The following UNC45A variants were observed in gnomAD, a reference collection of about 807,000 sequenced individuals.
UNC45A encodes the protein protein unc-45 homolog A.
Under a neutral mutation model 103.2 loss-of-function variants are expected in UNC45A, and 78 were observed. That is an observed-to-expected ratio of 0.76 (90% CI 0.63 to 0.91). The LOEUF (loss-of-function observed/expected upper bound fraction) is 0.91, where lower values mean the gene tolerates loss of function less well. Ranked by LOEUF, UNC45A falls within the 40% of genes least tolerant of loss-of-function variation. The probability of loss-of-function intolerance (pLI) is 0.00; values close to 1 mark genes in which losing one functional copy is unlikely to be tolerated. For missense variants in UNC45A, 1,193 were observed against 1,224.8 expected (o/e 0.97, Z 0.39); for synonymous variants, 495 against 504.6 (o/e 0.98, Z 0.25).
At chr15:90,952,555 G>A (rs1488883518) in intron 17 of UNC45A, 1 of 192,652 alleles carries the variant, frequency 5.2e-6, no homozygotes, top group Admixed American at 5.3e-5. Context: ...TGAGTAGCTG[G>A]GACTACAGGC....
intron 9 of UNC45A, among the ~76,000 whole-genome samples, 191 bp downstream of exon 9, chr15:90,945,254 CTTT>C (rs2036504917): frequency 6.6e-6 from 1 of 152,322 alleles, no homozygotes; most frequent in Non-Finnish European, 1.5e-5. Flanking sequence ...CAGGGAGGTT[CTTT>C]CTCAAGTCAA....
rs746323012 is a variant in UNC45A, at chr15:90,944,915, G to T, written c.1051G>T (p.Gly351Trp). ...DQGLKKILEV[G>W]GSLQDPPGEL... ...AGGTCTGAAAAAGATTTTGGAAGTG[G>T]GGGGCTCTCTACAGGACCCTCCTGG... Residue 351 changes from glycine (G) to tryptophan (W), a missense_variant, in exon 9 of 20, where the codon GGG becomes TGG. Coordinates refer to ENST00000418476, the MANE Select transcript of UNC45A (RefSeq NM_018671.5). 6.2e-7 allele frequency: 1 copy of T among 1,612,248 alleles called. No individual in the cohort carries two copies. The highest frequency in any genetic ancestry group is 8.5e-7 in the Non-Finnish European group (1 of 1,179,960).
chr15:90,942,767 G>A, intron 7 of UNC45A, 145 bp from the exon 8 acceptor site: 1 of 1,476,008 alleles, frequency 6.8e-7, no homozygotes, highest in Non-Finnish European at 9.2e-7. Flanking sequence ...CAACCAAGGT[G>A]CCTCAGGACA....
At chr15:90,949,115 A>G (rs2036746980) in intron 13 of UNC45A, among the ~76,000 whole-genome samples, 1 of 151,988 alleles carries the variant, frequency 6.6e-6, no homozygotes, top group African/African-American at 2.4e-5. Context: ...TGACCTCGTG[A>G]TCCGCCTGCC....
At position 90,953,751 on chromosome 15, in the gene UNC45A, G is replaced by A. The variant is rs199742242; in HGVS notation, c.*35G>A. On this transcript the variant is annotated 3_prime_UTR_variant, in exon 20 of 20. Transcript: ENST00000418476. ...CCCTGGGCCCAAGGCTCATGCACAC[G>A]CTACCTATTGTGGCACGGAGAGTAA... The A allele has an allele frequency of 2.6e-5, 41 of 1,601,734 alleles. No individual in the cohort carries two copies. In the East Asian group the frequency reaches 8.1e-4, roughly 32 times the overall value.
chr15:90,931,928 T>C (rs150464100), upstream of UNC45A: 3 of 1,613,820 alleles, frequency 1.9e-6, no homozygotes, highest in African/African-American at 4.0e-5. Flanking sequence ...CTCCACCGTG[T>C]CATGGAGCAG....
In UNC45A at chr15:90,953,852, G is replaced by A. The variant is rs2037073334; in HGVS notation, c.*136G>A. The A allele has an allele frequency of 2.3e-6, 3 of 1,321,284 alleles. No individual in the cohort carries two copies. The highest frequency in any genetic ancestry group is 1.9e-4 in the Middle Eastern group (1 of 5,188). The allele number at this position is 1,321,284 out of a possible 1,614,324, so 81.8% of individuals were successfully genotyped here. On this transcript the variant is annotated 3_prime_UTR_variant, in exon 20 of 20. Transcript: ENST00000418476. ...CCATCCTCGCTTGCTGCCCTAGGAT[G>A]TCCTCTGTTCTGAGTCAGCGGCCAC...
intron 7 of UNC45A, 22 bp downstream of exon 7, chr15:90,942,627 G>A: frequency 1.2e-6 from 2 of 1,614,092 alleles, no homozygotes; most frequent in Non-Finnish European, 1.7e-6. Context: ...CAGGTCTGGG[G>A]TCTTTTGGAC....
intron 4 of UNC45A, among the ~76,000 whole-genome samples, chr15:90,937,501 T>G (rs912172670): frequency 3.3e-5 from 5 of 151,888 alleles, no homozygotes; most frequent in African/African-American, 1.2e-4. Flanking sequence ...TTTTTTTTTT[T>G]TTTGAGACGG....
chr15:90,950,416 TG>T, intron 16 of UNC45A, 83 bp from the exon 17 acceptor site: 1 of 1,500,638 alleles, frequency 6.7e-7, no homozygotes, highest in Non-Finnish European at 9.1e-7. Context: ...AGTACTCTCT[TG>T]GGGGTGGGCT....
intron 4 of UNC45A, among the ~76,000 whole-genome samples, chr15:90,936,721 A>T (rs1263159689): frequency 1.3e-5 from 2 of 152,214 alleles, no homozygotes; most frequent in African/African-American, 4.8e-5. Context: ...CTCTCTGATG[A>T]CTGCTGGAGG....
chr15:90,931,176 G>T, upstream of UNC45A: 1 of 1,401,898 alleles, frequency 7.1e-7, no homozygotes, highest in Non-Finnish European at 9.7e-7. Flanking sequence ...TATCTGGGAA[G>T]GATGGAGGGA....
In UNC45A at chr15:90,940,324, G is replaced by T. The variant is rs139155515; in HGVS notation, c.538G>T (p.Val180Leu). Residue 180 changes from valine (V) to leucine (L), a missense_variant, in exon 6 of 20, where the codon GTG becomes TTG. Physicochemically the swap from Val to Leu is conservative, Grantham distance 32 (BLOSUM62 1). Coordinates refer to ENST00000418476, the MANE Select transcript of UNC45A (RefSeq NM_018671.5). Reference protein sequence around the residue: ...KKQKASQNLVVLAREDAGAEK... With the variant: ...KKQKASQNLVLLAREDAGAEK... ...GACGCAGGCTTCTCAGAACCTGGTG[G>T]TGCTGGCCAGGGAGGATGCTGGAGC... 5 of 1,613,518 alleles carry T rather than the reference G, an allele frequency of 3.1e-6. No individual in the cohort carries two copies. Among genetic ancestry groups the T allele is most frequent in the Non-Finnish European group, 4.2e-6 (5 of 1,179,730 alleles).
intron 6 of UNC45A, among the ~76,000 whole-genome samples, chr15:90,941,884 G>A (rs1174239474): frequency 1.3e-5 from 2 of 151,728 alleles, no homozygotes; most frequent in Non-Finnish European, 2.9e-5. Flanking sequence ...GCGTGAACCT[G>A]GGAGGTGGAG....
At chr15:90,940,247 A>C in intron 5 of UNC45A, 59 bp from the exon 6 acceptor site, 1 of 1,540,624 alleles carries the variant, frequency 6.5e-7, no homozygotes, top group Non-Finnish European at 8.8e-7. Flanking sequence ...CCTGCTCACC[A>C]GTGCTGCATC....
chr15:90,935,861 T>C (rs2035988488), intron 2 of UNC45A, 85 bp from the exon 3 acceptor site: 1 of 1,600,948 alleles, frequency 6.2e-7, no homozygotes, highest in Admixed American at 1.7e-5. Flanking sequence ...CGGGTGACCT[T>C]GGAGAGCGAG....
At chr15:90,948,525 T>G in intron 12 of UNC45A, 129 bp from the exon 13 acceptor site, 1 of 1,445,214 alleles carries the variant, frequency 6.9e-7, no homozygotes, top group South Asian at 1.4e-5. Flanking sequence ...GGCCTGGGAG[T>G]TTCCCGAATT....
rs1229587200 is a variant in UNC45A at position 90,936,036 on chromosome 15, G to A, written c.250+54G>A. The stretch of plus-strand genomic sequence containing the variant: ...GCTGTAGGGCTTCTGTGGTGGGCAA[G>A]GACTCTGGGACCGCTGCACCGTCAC... On this transcript the variant is annotated intron_variant, in intron 3 of 19. Coordinates refer to ENST00000418476, the MANE Select transcript of UNC45A (RefSeq NM_018671.5). 1.9e-6 allele frequency: 3 copies of A among 1,608,842 alleles called. No individual in the cohort carries two copies. The African/African-American group carries it at 4.0e-5, about 22-fold the overall frequency.
rs147819803 is a variant in UNC45A, at chr15:90,936,167, C to T, written c.251-118C>T. 3.7e-4 allele frequency: 568 copies of T among 1,516,492 alleles called. 3 individuals carry two copies. The East Asian group carries it at 0.01, about 28-fold the overall frequency. 93.9% of individuals were successfully genotyped at this position (1,516,492 alleles called of 1,614,324 possible). A position where few individuals can be genotyped will look rare whatever the true frequency, so the allele number is the denominator to read the frequency against. On this transcript the variant is annotated intron_variant, in intron 3 of 19. Coordinates refer to ENST00000418476, the MANE Select transcript of UNC45A (RefSeq NM_018671.5). The stretch of plus-strand genomic sequence containing the variant: ...CTCACCTTTTCTGAGGCTGAAGCAC[C>T]GAGCCCCACATTCGTCCCCCCCACC...
Sources: allele counts gnomAD v4.1 joint callset (sites outside exome capture counted in the v4.1 genomes callset), GRCh38; gene constraint gnomAD v4.1.1; transcripts MANE v1.5; gene names NCBI Gene and HGNC (gene_info 2026-07-23, HGNC 2026-07-21).